Variants in TVP23B observed in about 807,000 individuals in gnomAD.
The protein encoded by TVP23B is trans-golgi network vesicle protein 23 homolog B, also known as Golgi apparatus membrane protein TVP23 homolog B.
A neutral mutation model predicts 30.6 loss-of-function variants in TVP23B; 10 were observed. The ratio of observed to expected loss-of-function variants is 0.33; its 90% CI spans 0.20 to 0.55. The LOEUF is 0.55. Among genes scored for constraint, TVP23B ranks in the 20% least tolerant of loss-of-function variants. The pLI is 0.91. For missense variants in TVP23B, 153 were observed against 243.2 expected (o/e 0.63, Z 2.47); for synonymous variants, 67 against 83.1 (o/e 0.81, Z 1.06).
At chr17:18,788,204 G>A (rs1168965995) in intron 1 of TVP23B, among the ~76,000 whole-genome samples, 2 of 151,640 alleles carry the variant, frequency 1.3e-5, no homozygotes, top group Non-Finnish European at 2.9e-5. Flanking sequence ...GGTGGCACGC[G>A]CCTGTAGTCC....
chr17:18,805,224 G>T (rs1015262407), intron 6 of TVP23B, among the ~76,000 whole-genome samples: 1 of 151,830 alleles, frequency 6.6e-6, no homozygotes, highest in Non-Finnish European at 1.5e-5. Context: ...GAGTAGCTGG[G>T]ACTACAGGCG....
In TVP23B at chr17:18,783,131, G is replaced by A. The variant is rs918875327; in HGVS notation, c.12+1826G>A. Among the ~76,000 whole-genome samples, 3 of 146,184 alleles carry A rather than the reference G, an allele frequency of 2.1e-5. 1 individual carries two copies. Among genetic ancestry groups the A allele is most frequent in the Admixed American group, 7.0e-5 (1 of 14,314 alleles). ...TTCATTCATTCATTTATGAGACGGA[G>A]TTTCACTCTTGTTGCCCAGGCTGGA... On this transcript the variant is annotated intron_variant, in intron 1 of 6. Transcript: ENST00000307767.
intron 3 of TVP23B, among the ~76,000 whole-genome samples, chr17:18,793,071 T>C (rs2036020694): frequency 6.6e-6 from 1 of 151,958 alleles, no homozygotes; most frequent in Non-Finnish European, 1.5e-5. Context: ...AATCTCATAA[T>C]GTTTTAAGAA....
intron 1 of TVP23B, among the ~76,000 whole-genome samples, chr17:18,788,571 CAGG>C (rs2035944938): frequency 6.6e-6 from 1 of 152,002 alleles, no homozygotes; most frequent in South Asian, 2.1e-4. Flanking sequence ...CACCTGAGGT[CAGG>C]AGTTCAAGAC....
chr17:18,789,550 G>C, intron 2 of TVP23B, 115 bp downstream of exon 2: 1 of 1,331,774 alleles, frequency 7.5e-7, no homozygotes, highest in South Asian at 1.4e-5. Context: ...TGTGAATACT[G>C]CATGTTGCTA....
intron 6 of TVP23B, 152 bp downstream of exon 6, chr17:18,804,418 T>A: frequency 1.5e-6 from 2 of 1,352,806 alleles, no homozygotes; most frequent in Non-Finnish European, 1.9e-6. Context: ...TTTGGGGGTG[T>A]TCAAGACAGT....
chr17:18,783,364 C>G (rs1321945118), intron 1 of TVP23B, among the ~76,000 whole-genome samples: 1 of 152,164 alleles, frequency 6.6e-6, no homozygotes, highest in Non-Finnish European at 1.5e-5. Flanking sequence ...CCTCAGCCTT[C>G]CAAAGTGCTA....
Position 18,805,678 on chromosome 17 carries a change from C to T in TVP23B, c.*111C>T, listed in dbSNP as rs373765497. On this transcript the variant is annotated 3_prime_UTR_variant, in exon 7 of 7. Transcript: ENST00000307767. ...AACGAGGAGTGTTGGCTTTGTTTTT[C>T]CACTTAAAAACTTTATTTATAAAAA... The T allele has an allele frequency of 0.07, 104,854 of 1,494,086 alleles. 3,903 individuals are homozygous for T. Among genetic ancestry groups the T allele is most frequent in the Admixed American group, 0.11 (4,519 of 40,784 alleles). 92.6% of individuals were successfully genotyped at this position (1,494,086 alleles called of 1,614,324 possible).
intron 5 of TVP23B, among the ~76,000 whole-genome samples, chr17:18,801,806 C>T (rs993748225): frequency 6.6e-6 from 1 of 152,132 alleles, no homozygotes; most frequent in African/African-American, 2.4e-5. Context: ...CTACTTATGC[C>T]TAGTGTTCCA....
At chr17:18,787,504 G>A (rs1036460959) in intron 1 of TVP23B, among the ~76,000 whole-genome samples, 1 of 151,876 alleles carries the variant, frequency 6.6e-6, no homozygotes, top group Non-Finnish European at 1.5e-5. Flanking sequence ...TGAGATGATT[G>A]TTCAAATGGA....
intron 1 of TVP23B, chr17:18,781,719 C>G (rs1019389364): frequency 3.4e-5 from 8 of 234,666 alleles, no homozygotes; most frequent in Admixed American, 1.1e-4. Flanking sequence ...TGTTTCCAAA[C>G]TAATGTTGTT....
At chr17:18,789,549 T>C (rs2035960551) in intron 2 of TVP23B, 114 bp downstream of exon 2, 1 of 1,330,706 alleles carries the variant, frequency 7.5e-7, no homozygotes, top group African/African-American at 1.5e-5. Flanking sequence ...TTGTGAATAC[T>C]GCATGTTGCT....
rs546801937 is a variant in TVP23B at position 18,782,970 on chromosome 17, G to A, written c.12+1665G>A. Among the ~76,000 whole-genome samples the A allele has an allele frequency of 1.7e-3, 259 of 150,950 alleles. 4 individuals carry two copies. The South Asian group carries it at 0.019, about 11-fold the overall frequency. On this transcript the variant is annotated intron_variant, in intron 1 of 6. Coordinates refer to ENST00000307767, the MANE Select transcript of TVP23B (RefSeq NM_016078.6). ...GTAGGTTTCAGCCTCATTTTACCCAGCTCCTATTGAAGATGGAGTTGTTCA... is the reference window on the plus strand; with the variant it reads ...GTAGGTTTCAGCCTCATTTTACCCAACTCCTATTGAAGATGGAGTTGTTCA...
intron 1 of TVP23B, 91 bp downstream of exon 1, chr17:18,781,396 G>A (rs1488881280): frequency 1.3e-6 from 2 of 1,530,298 alleles, no homozygotes; most frequent in African/African-American, 1.4e-5. Flanking sequence ...CCCCGCGCCC[G>A]CTACTCGAAC....
intron 5 of TVP23B, among the ~76,000 whole-genome samples, chr17:18,800,989 G>A (rs4924772): frequency 0.38 from 57,264 of 151,708 alleles, 10,065 homozygotes; most frequent in Non-Finnish European, 0.42. Context: ...GACTGCTCCA[G>A]TAGAGCTTAT....
At chr17:18,784,153 CAAACAAACAAACA>C (rs1222645861) in intron 1 of TVP23B, among the ~76,000 whole-genome samples, 2 of 151,528 alleles carry the variant, frequency 1.3e-5, no homozygotes, top group East Asian at 2.0e-4. Context: ...TCAAAACAAA[CAAACAAACAAACA>C]AAACAAACTT....
chr17:18,784,846 C>G (rs1346067745), intron 1 of TVP23B, among the ~76,000 whole-genome samples: 2 of 152,126 alleles, frequency 1.3e-5, no homozygotes, highest in African/African-American at 4.8e-5. Flanking sequence ...TCTTTGTGAT[C>G]TCTAATTATT....
chr17:18,789,530 T>C (rs2035960261), intron 2 of TVP23B, 95 bp downstream of exon 2: 14 of 1,524,638 alleles, frequency 9.2e-6, no homozygotes, highest in Non-Finnish European at 1.3e-5. Context: ...CAGAGTTGTT[T>C]CAATGTGCTT....
chr17:18,801,945 G>A (rs1292029184), intron 5 of TVP23B, among the ~76,000 whole-genome samples: 4 of 152,136 alleles, frequency 2.6e-5, no homozygotes, highest in Admixed American at 6.5e-5. Context: ...TTAAGACCTC[G>A]GCATGGTGGC....
Sources: allele counts gnomAD v4.1 joint callset (sites outside exome capture counted in the v4.1 genomes callset), GRCh38; gene constraint gnomAD v4.1.1; transcripts MANE v1.5; gene names NCBI Gene and HGNC (gene_info 2026-07-23, HGNC 2026-07-21).